Variants in FMN1 observed in about 807,000 individuals in gnomAD.
The protein encoded by FMN1 is formin 1.
In FMN1, 110 loss-of-function variants were observed where a neutral mutation model predicts 132.4. The observed-to-expected ratio is 0.83, with a 90% CI of 0.71 to 0.97. FMN1 has a LOEUF of 0.97. Ranked by LOEUF, FMN1 falls within the 50% of genes least tolerant of loss-of-function variation. The pLI, the probability that FMN1 is intolerant of heterozygous loss-of-function variation, is 0.00. For synonymous variants in FMN1, 722 were observed against 651.7 expected, an observed-to-expected ratio of 1.11 and a Z score of -1.64; for missense variants, 1,792 against 1,705.3, an observed-to-expected ratio of 1.05 and a Z score of -0.90.
chr15:33,008,169 A>G (rs1206910642), intron 6 of FMN1, 94 bp from the exon 7 acceptor site: 4 of 953,910 alleles, frequency 4.2e-6, no homozygotes, highest in Non-Finnish European at 4.8e-6. Flanking sequence ...TGACTAAAAT[A>G]AATGCCACAA....
At chr15:32,881,086 T>C (rs2059758289) in intron 16 of FMN1, among the ~76,000 whole-genome samples, 1 of 100,466 alleles carries the variant, frequency 1.0e-5, no homozygotes, top group African/African-American at 3.3e-5. Flanking sequence ...ATATTTTTTG[T>C]ATATTTTGTA....
At chr15:33,190,730 T>A (rs947381136) in intron 2 of FMN1, among the ~76,000 whole-genome samples, 1 of 151,980 alleles carries the variant, frequency 6.6e-6, no homozygotes, top group Non-Finnish European at 1.5e-5. Flanking sequence ...GTGGCAGGGG[T>A]GTGAGTACTA....
chr15:32,911,844 T>TAAAGA (rs1567377876), intron 10 of FMN1, among the ~76,000 whole-genome samples: 2 of 150,992 alleles, frequency 1.3e-5, no homozygotes, highest in East Asian at 3.9e-4. Context: ...GTGAAACCAG[T>TAAAGA]AAAGAAAAAT....
intron 3 of FMN1, among the ~76,000 whole-genome samples, chr15:33,170,098 C>T (rs1965261647): frequency 6.6e-6 from 1 of 151,852 alleles, no homozygotes; most frequent in Non-Finnish European, 1.5e-5. Context: ...AATGGAGAAC[C>T]CAGAAATAAA....
intron 5 of FMN1, among the ~76,000 whole-genome samples, chr15:33,080,797 G>GA (rs1840277631): frequency 6.6e-6 from 1 of 151,746 alleles, no homozygotes; most frequent in Non-Finnish European, 1.5e-5. Context: ...TGAGGCATGA[G>GA]AATAGATTGA....
chr15:33,147,233 T>C (rs1481172886), intron 4 of FMN1, among the ~76,000 whole-genome samples: 1 of 152,012 alleles, frequency 6.6e-6, no homozygotes, highest in Non-Finnish European at 1.5e-5. Context: ...GCTTTATCAG[T>C]TTGATATAAT....
intron 6 of FMN1, among the ~76,000 whole-genome samples, chr15:33,039,102 A>C (rs1403929487): frequency 6.6e-6 from 1 of 152,214 alleles, no homozygotes; most frequent in African/African-American, 2.4e-5. Context: ...GTTAAACAAT[A>C]TAGTAAGATT....
chr15:32,853,891 A>T (rs1160745404), intron 17 of FMN1, among the ~76,000 whole-genome samples: 1 of 152,172 alleles, frequency 6.6e-6, no homozygotes, highest in African/African-American at 2.4e-5. Flanking sequence ...TCAAGCTGAG[A>T]AGGCAGGGCG....
At chr15:32,826,289 G>A (rs28580622) in intron 17 of FMN1, among the ~76,000 whole-genome samples, 30,558 of 152,020 alleles carry the variant, frequency 0.2, 3,468 homozygotes, top group East Asian at 0.52. Context: ...CAGCTCTCCA[G>A]GGAGAGTGGA....
Position 33,141,529 on chromosome 15 carries a change from G to C in FMN1, c.1867+11519C>G, listed in dbSNP as rs575477664. 2.2e-3 allele frequency among the ~76,000 whole-genome samples: 341 copies of C among 152,264 alleles called. 2 individuals are homozygous for C. Among genetic ancestry groups the C allele is most frequent in the Non-Finnish European group, 3.7e-3 (255 of 68,008 alleles). On this transcript the variant is annotated intron_variant, in intron 4 of 20. Coordinates refer to ENST00000616417, the MANE Select transcript of FMN1 (RefSeq NM_001277313.2). ...GAAGGTTTAGTGGAGAGTGCTCTTT[G>C]GAGCAATACCTATGGGAAAGTGAGG...
At chr15:32,934,262 T>G (rs1027383225) in intron 9 of FMN1, among the ~76,000 whole-genome samples, 1 of 152,202 alleles carries the variant, frequency 6.6e-6, no homozygotes, top group Non-Finnish European at 1.5e-5. Context: ...CTTCATGTAA[T>G]TGATATAACA....
chr15:33,068,313 A>T (rs1443753536), intron 5 of FMN1, among the ~76,000 whole-genome samples: 1 of 152,320 alleles, frequency 6.6e-6, no homozygotes, highest in East Asian at 1.9e-4. Context: ...CAACTTCCTC[A>T]TTGGTGAGCA....
At chr15:32,862,143 A>G (rs2059283860) in intron 16 of FMN1, among the ~76,000 whole-genome samples, 2 of 152,140 alleles carry the variant, frequency 1.3e-5, no homozygotes, top group Admixed American at 1.3e-4. Context: ...GGAGACCTGA[A>G]GGCTAATTAA....
chr15:32,913,244 G>T (rs1322741201), intron 10 of FMN1, among the ~76,000 whole-genome samples: 2 of 152,026 alleles, frequency 1.3e-5, no homozygotes, highest in East Asian at 3.8e-4. Context: ...GAAATGCCAG[G>T]TACCTCCAAG....
At position 33,059,131 on chromosome 15, in the gene FMN1, G is replaced by C. The variant is rs541880277; in HGVS notation, c.2161+5826C>G. Among the ~76,000 whole-genome samples the C allele has an allele frequency of 1.0e-3, 159 of 152,230 alleles. 1 individual carries two copies. The highest frequency in any genetic ancestry group is 3.7e-3 in the African/African-American group (153 of 41,538). ...TTTATTAGATTCCACATATAAGTAA[G>C]AGCATGCAACATTTGTCTTTCTTGT... is the stretch of plus-strand genomic sequence containing the variant. On this transcript the variant is annotated intron_variant, in intron 6 of 20. Transcript: ENST00000616417.
At chr15:33,061,595 A>T (rs1277015241) in intron 6 of FMN1, among the ~76,000 whole-genome samples, 5 of 152,076 alleles carry the variant, frequency 3.3e-5, no homozygotes, top group Non-Finnish European at 7.4e-5. Context: ...TAAAAATTTT[A>T]AGTTTTTCTA....
intron 7 of FMN1, among the ~76,000 whole-genome samples, chr15:33,004,869 T>G (rs1264732666): frequency 6.6e-6 from 1 of 152,106 alleles, no homozygotes; most frequent in East Asian, 1.9e-4. Flanking sequence ...TAAAAAATGA[T>G]GAGTTCATGT....
At chr15:33,132,976 G>C (rs1237740991) in intron 4 of FMN1, among the ~76,000 whole-genome samples, 2 of 152,118 alleles carry the variant, frequency 1.3e-5, no homozygotes, top group Non-Finnish European at 2.9e-5. Context: ...CAGAATTCTG[G>C]AACAGAAAGG....
intron 17 of FMN1, among the ~76,000 whole-genome samples, chr15:32,808,110 C>T (rs779720079): frequency 3.9e-5 from 6 of 152,220 alleles, no homozygotes; most frequent in Middle Eastern, 6.3e-3. Flanking sequence ...GGTGTTCCAA[C>T]GTTCTAGTTC....
Sources: gnomAD v4.1 joint callset for allele counts (sites outside exome capture counted in the v4.1 genomes callset) on GRCh38, gnomAD v4.1.1 for gene constraint, MANE v1.5 for transcripts, NCBI Gene and HGNC (gene_info 2026-07-23, HGNC 2026-07-21) for gene names.